The following CEP70 variants were observed in gnomAD, a reference collection of about 807,000 sequenced individuals.
CEP70 encodes the protein centrosomal protein 70.
Under a neutral mutation model 90.9 loss-of-function variants are expected in CEP70, and 70 were observed. The observed-to-expected ratio is 0.77, with a 90% CI of 0.64 to 0.94. CEP70 has a LOEUF of 0.94. CEP70 is among the 40% of genes least tolerant of loss of function. The probability of loss-of-function intolerance (pLI) is 0.00; values close to 1 mark genes in which losing one functional copy is unlikely to be tolerated. For missense variants in CEP70, 648 were observed against 669.0 expected (o/e 0.97, Z 0.35); for synonymous variants, 220 against 228.3 (o/e 0.96, Z 0.33).
chr3:138,544,323 C>T (rs964287246), intron 6 of CEP70, among the ~76,000 whole-genome samples: 1 of 150,326 alleles, frequency 6.7e-6, no homozygotes, highest in Non-Finnish European at 1.5e-5. Flanking sequence ...GAGATATCAT[C>T]TCACTCCAGT....
chr3:138,571,677 C>T (rs563134910), intron 3 of CEP70, among the ~76,000 whole-genome samples: 2 of 152,312 alleles, frequency 1.3e-5, no homozygotes, highest in South Asian at 4.1e-4. Context: ...TTAGATTTAA[C>T]TAAGCCAAAC....
chr3:138,527,649 C>G (rs1055488580), intron 10 of CEP70, among the ~76,000 whole-genome samples: 1 of 148,758 alleles, frequency 6.7e-6, no homozygotes, highest in African/African-American at 2.5e-5. Context: ...GACCCAACAT[C>G]GTGCCACAGC....
intron 12 of CEP70, among the ~76,000 whole-genome samples, chr3:138,507,507 A>G (rs147561714): frequency 2.8e-4 from 42 of 152,364 alleles, no homozygotes; most frequent in Admixed American, 1.6e-3. Context: ...AGGCTATTAA[A>G]ACTTTTAACT....
At chr3:138,557,176 A>G (rs533222309) in intron 6 of CEP70, among the ~76,000 whole-genome samples, 1 of 152,224 alleles carries the variant, frequency 6.6e-6, no homozygotes, top group Non-Finnish European at 1.5e-5. Flanking sequence ...TTTTGAAAGA[A>G]GAGAAATATG....
At chr3:138,527,694 C>CAA (rs34863399) in intron 10 of CEP70, among the ~76,000 whole-genome samples, 128 of 117,794 alleles carry the variant, frequency 1.1e-3, no homozygotes, top group African/African-American at 3.7e-3. Flanking sequence ...GACTCCGTCT[C>CAA]AAAAAAAAAA....
At chr3:138,496,812 C>T (rs915624587) in intron 17 of CEP70, 1 of 985,290 alleles carries the variant, frequency 1.0e-6, no homozygotes, top group African/African-American at 1.7e-5. Context: ...AGAAACCTGG[C>T]TTTCTGAAGC....
chr3:138,551,382 C>G (rs2039600024), intron 6 of CEP70, among the ~76,000 whole-genome samples: 1 of 152,150 alleles, frequency 6.6e-6, no homozygotes, highest in Non-Finnish European at 1.5e-5. Context: ...TTAAACAAAT[C>G]CTGAAAACAC....
chr3:138,586,170 C>CT (rs910155922), intron 2 of CEP70, among the ~76,000 whole-genome samples: 190 of 147,964 alleles, frequency 1.3e-3, no homozygotes, highest in African/African-American at 3.8e-3. Flanking sequence ...TCTGAAACAA[C>CT]TTTTTTTTTT....
intron 10 of CEP70, 96 bp downstream of exon 10, chr3:138,529,103 C>A: frequency 1.5e-6 from 1 of 678,670 alleles, no homozygotes; most frequent in Non-Finnish European, 2.5e-6. Flanking sequence ...GAGGTCAAGG[C>A]TGCGGTGAGA....
intron 6 of CEP70, among the ~76,000 whole-genome samples, chr3:138,550,607 C>T (rs982711213): frequency 1.3e-5 from 2 of 152,198 alleles, no homozygotes; most frequent in South Asian, 4.1e-4. Flanking sequence ...AGGTGATCTG[C>T]CCGCCTCAGC....
chr3:138,555,095 A>G (rs537524055), intron 6 of CEP70, among the ~76,000 whole-genome samples: 1 of 152,252 alleles, frequency 6.6e-6, no homozygotes, highest in East Asian at 1.9e-4. Flanking sequence ...CTAAAAATAC[A>G]TAAATTAGCT....
rs189637504 is a variant in CEP70 at position 138,513,531 on chromosome 3, C to A, written c.945-4987G>T. 2.5e-4 allele frequency among the ~76,000 whole-genome samples: 38 copies of A among 152,320 alleles called. No individual in the cohort carries two copies. In the East Asian group the frequency reaches 2.9e-3, roughly 12 times the overall value. On this transcript the variant is annotated intron_variant, in intron 11 of 17. Coordinates refer to ENST00000264982, the MANE Select transcript of CEP70 (RefSeq NM_024491.4). ...TCCTAGGCAGTGAGATGATTCCCCCCATCTGGGTGTATGTCAGACTGTTCC... is the reference window on the plus strand; with the variant it reads ...TCCTAGGCAGTGAGATGATTCCCCCAATCTGGGTGTATGTCAGACTGTTCC...
In CEP70 at chr3:138,533,345, G is replaced by T. The variant is rs946123355; in HGVS notation, c.636-775C>A. Among the ~76,000 whole-genome samples, 3 of 151,814 alleles carry T rather than the reference G, an allele frequency of 2.0e-5. No homozygotes were observed. In the South Asian group the frequency reaches 6.2e-4, roughly 32 times the overall value. On this transcript the variant is annotated intron_variant, in intron 7 of 17. Coordinates refer to ENST00000264982, the MANE Select transcript of CEP70 (RefSeq NM_024491.4). ...GAAGTAGAAAAAATAATGTAACTTT[G>T]TATGTCCTTAACAAGGAATGATGAT...
chr3:138,573,885 A>C, intron 2 of CEP70, among the ~76,000 whole-genome samples: 1 of 152,260 alleles, frequency 6.6e-6, no homozygotes, highest in African/African-American at 2.4e-5. Context: ...CATCCACTGA[A>C]GAACTGAACA....
chr3:138,574,678 A>G (rs1219652260), intron 2 of CEP70, among the ~76,000 whole-genome samples: 1 of 152,054 alleles, frequency 6.6e-6, no homozygotes, highest in East Asian at 1.9e-4. Context: ...TAACTGGGAG[A>G]CACCTCCCAG....
At chr3:138,580,267 C>A (rs577279866) in intron 2 of CEP70, among the ~76,000 whole-genome samples, 1 of 152,080 alleles carries the variant, frequency 6.6e-6, no homozygotes, top group Non-Finnish European at 1.5e-5. Flanking sequence ...CCAGTAGGGC[C>A]GGCCACAGGG....
chr3:138,554,974 G>T (rs2039892570), intron 6 of CEP70, among the ~76,000 whole-genome samples: 1 of 152,120 alleles, frequency 6.6e-6, no homozygotes, highest in South Asian at 2.1e-4. Context: ...TCAACTCAAG[G>T]CCAGACACAG....
rs2041104205 is a variant in CEP70, at chr3:138,570,560, T to C, written c.285-62A>G. 7.6e-6 allele frequency: 10 copies of C among 1,312,288 alleles called. No homozygotes were observed. The South Asian group carries it at 1.2e-4, about 16-fold the overall frequency. 81.3% of individuals were successfully genotyped at this position (1,312,288 alleles called of 1,614,324 possible). The stretch of plus-strand genomic sequence containing the variant: ...TAAAAATAAATCGAATTACCAAGCA[T>C]ATCCATATAAGAATGTATTGCCTTT... On this transcript the variant is annotated intron_variant, in intron 5 of 17. Coordinates refer to ENST00000264982, the MANE Select transcript of CEP70 (RefSeq NM_024491.4).
intron 6 of CEP70, among the ~76,000 whole-genome samples, chr3:138,551,110 T>C (rs2039580324): frequency 6.6e-6 from 1 of 152,328 alleles, no homozygotes; most frequent in Non-Finnish European, 1.5e-5. Context: ...TCTTAAGAGC[T>C]GTGAGGCAAA....
Sources: allele counts gnomAD v4.1 joint callset (sites outside exome capture counted in the v4.1 genomes callset), GRCh38; gene constraint gnomAD v4.1.1; transcripts MANE v1.5; gene names NCBI Gene and HGNC (gene_info 2026-07-23, HGNC 2026-07-21).